The following HMGB1 variants were observed in gnomAD, a reference collection of about 807,000 sequenced individuals.
The protein encoded by HMGB1 is high mobility group box 1.
For synonymous variants in HMGB1, 81 were observed against 84.0 expected, an observed-to-expected ratio of 0.96 and a Z score of 0.19; for missense variants, 79 against 253.5, an observed-to-expected ratio of 0.31 and a Z score of 4.67.
At chr13:30,614,403 A>G (rs1950541290) in intron 1 of HMGB1, among the ~76,000 whole-genome samples, 1 of 152,264 alleles carries the variant, frequency 6.6e-6, no homozygotes, top group African/African-American at 2.4e-5. Context: ...TCTCCTTAAG[A>G]GATCCATCTA....
At chr13:30,481,536 G>T (rs192021862) in intron 1 of HMGB1, among the ~76,000 whole-genome samples, 2 of 152,208 alleles carry the variant, frequency 1.3e-5, no homozygotes, top group Non-Finnish European at 2.9e-5. Flanking sequence ...GACCCAAGGC[G>T]GAGGCCTGGC....
intron 1 of HMGB1, among the ~76,000 whole-genome samples, chr13:30,500,536 ATTTTT>A (rs60691018): frequency 9.5e-4 from 122 of 128,468 alleles, no homozygotes; most frequent in African/African-American, 3.6e-3. Context: ...CACCTGGCTA[ATTTTT>A]TTTTTTTTTT....
intron 1 of HMGB1, among the ~76,000 whole-genome samples, chr13:30,612,210 T>C (rs1280694167): frequency 6.6e-6 from 1 of 152,090 alleles, no homozygotes; most frequent in East Asian, 1.9e-4. Flanking sequence ...CATACACATA[T>C]ATACATACGC....
At chr13:30,554,092 T>C in intron 1 of HMGB1, 5 of 1,294,602 alleles carry the variant, frequency 3.9e-6, no homozygotes, top group Non-Finnish European at 5.6e-6. Flanking sequence ...GAAACGGGAT[T>C]CAATGTGAAG....
At chr13:30,568,202 T>A (rs1870274189) in intron 1 of HMGB1, among the ~76,000 whole-genome samples, 1 of 152,146 alleles carries the variant, frequency 6.6e-6, no homozygotes, top group South Asian at 2.1e-4. Context: ...AAACTGTGGA[T>A]GTAACCTTAT....
At chr13:30,462,376 CTAATT>C (rs1052649599) in intron 4 of HMGB1, 157 bp downstream of exon 4, 15 of 745,990 alleles carry the variant, frequency 2.0e-5, no homozygotes, top group African/African-American at 3.4e-5. Flanking sequence ...CAAAAAAACC[CTAATT>C]TATTTGGTCC....
At chr13:30,604,634 G>A (rs966633107) in intron 1 of HMGB1, among the ~76,000 whole-genome samples, 3 of 152,184 alleles carry the variant, frequency 2.0e-5, no homozygotes, top group African/African-American at 4.8e-5. Context: ...AAGAGCTGGA[G>A]AAGTGCTTAG....
chr13:30,483,437 C>T (rs1206892353), intron 1 of HMGB1, among the ~76,000 whole-genome samples: 2 of 152,034 alleles, frequency 1.3e-5, no homozygotes, highest in Non-Finnish European at 2.9e-5. Context: ...TGATCCCTGT[C>T]ACTTCCCTTC....
At chr13:30,504,749 C>T (rs1427471234) in intron 1 of HMGB1, among the ~76,000 whole-genome samples, 2 of 151,022 alleles carry the variant, frequency 1.3e-5, no homozygotes, top group Non-Finnish European at 2.9e-5. Flanking sequence ...AAGGGTAACT[C>T]TGATTAAAAC....
intron 1 of HMGB1, among the ~76,000 whole-genome samples, chr13:30,580,833 T>C (rs924239950): frequency 1.3e-5 from 2 of 152,238 alleles, no homozygotes; most frequent in East Asian, 1.9e-4. Context: ...GCTCAATAGC[T>C]TGTCTTTATC....
intron 1 of HMGB1, among the ~76,000 whole-genome samples, chr13:30,508,339 C>T (rs1032644984): frequency 4.6e-5 from 7 of 151,980 alleles, no homozygotes; most frequent in Non-Finnish European, 2.9e-5. Context: ...TGGTGAAACC[C>T]CATCTCTAAT....
At chr13:30,507,599 A>AC (rs1358852289) in intron 1 of HMGB1, among the ~76,000 whole-genome samples, 2 of 152,158 alleles carry the variant, frequency 1.3e-5, no homozygotes, top group East Asian at 3.8e-4. Context: ...AAACTACCCC[A>AC]CCTTGTTTTC....
intron 1 of HMGB1, among the ~76,000 whole-genome samples, chr13:30,509,019 C>T (rs1028964470): frequency 6.6e-6 from 1 of 152,138 alleles, no homozygotes; most frequent in Non-Finnish European, 1.5e-5. Context: ...ACTGTAGCCT[C>T]GACTTCCTGG....
intron 1 of HMGB1, among the ~76,000 whole-genome samples, chr13:30,558,495 T>A (rs1468962021): frequency 6.6e-6 from 1 of 151,974 alleles, no homozygotes; most frequent in Non-Finnish European, 1.5e-5. Context: ...AAAACATAAG[T>A]CATGTAAAAA....
intron 1 of HMGB1, among the ~76,000 whole-genome samples, chr13:30,604,804 CGTG>C (rs1378172229): frequency 1.3e-5 from 2 of 152,068 alleles, no homozygotes; most frequent in Admixed American, 1.3e-4. Context: ...ACTACGGGCG[CGTG>C]CCACCACACC....
At chr13:30,532,665 T>C (rs1413571447) in intron 1 of HMGB1, among the ~76,000 whole-genome samples, 1 of 152,060 alleles carries the variant, frequency 6.6e-6, no homozygotes, top group Non-Finnish European at 1.5e-5. Flanking sequence ...TGCACCATCA[T>C]GCCCAGCTAA....
At chr13:30,590,640 T>C (rs1423040464) in intron 1 of HMGB1, among the ~76,000 whole-genome samples, 1 of 152,224 alleles carries the variant, frequency 6.6e-6, no homozygotes, top group Non-Finnish European at 1.5e-5. Context: ...AAGGTTCCAA[T>C]GATCTGAACT....
At chr13:30,562,768 C>T (rs1039219765) in intron 1 of HMGB1, among the ~76,000 whole-genome samples, 10 of 152,144 alleles carry the variant, frequency 6.6e-5, no homozygotes, top group South Asian at 2.1e-4. Context: ...TGGTTGGAGA[C>T]GGTACGGTAT....
Position 30,475,565 on chromosome 13 carries a change from GCTCACCTGTAGTTCCACCTA to G in HMGB1, c.-14-11891_-14-11872del, listed in dbSNP as rs558391427. On this transcript the variant is annotated intron_variant, in intron 1 of 4. Coordinates refer to the HMGB1 transcript ENST00000405805. ...AAAATTCCCTGGGTGTGGTGGTGGCGCTCACCTGTAGTTCCACCTACTCACTCAGAAGGCTGAGATAGGAG... is the reference window on the plus strand; with the variant it reads ...AAAATTCCCTGGGTGTGGTGGTGGCGCTCACTCAGAAGGCTGAGATAGGAG... Among the ~76,000 whole-genome samples the G allele has an allele frequency of 7.1e-3, 1,070 of 151,072 alleles. 13 individuals carry two copies. The highest frequency in any genetic ancestry group is 0.013 in the Non-Finnish European group (850 of 67,826).
Sources: gnomAD v4.1 joint callset for allele counts (sites outside exome capture counted in the v4.1 genomes callset) on GRCh38, gnomAD v4.1.1 for gene constraint, MANE v1.5 for transcripts, NCBI Gene and HGNC (gene_info 2026-07-23, HGNC 2026-07-21) for gene names.